The following CNOT10 variants were observed in gnomAD, a reference collection of about 807,000 sequenced individuals.
CNOT10 encodes CCR4-NOT transcription complex, subunit 10.
In CNOT10, 30 loss-of-function variants were observed where a neutral mutation model predicts 94.6. The observed-to-expected ratio is 0.32, with a 90% CI of 0.24 to 0.43. The LOEUF is 0.43. CNOT10 is among the 20% of genes least tolerant of loss of function. The probability of loss-of-function intolerance (pLI) is 1.00; values close to 1 mark genes in which losing one functional copy is unlikely to be tolerated. For synonymous variants in CNOT10, 289 were observed against 301.6 expected, an observed-to-expected ratio of 0.96 and a Z score of 0.43; for missense variants, 759 against 877.2, an observed-to-expected ratio of 0.87 and a Z score of 1.70.
At chr3:32,714,184 T>C (rs1698016335) in intron 5 of CNOT10, among the ~76,000 whole-genome samples, 1 of 152,174 alleles carries the variant, frequency 6.6e-6, no homozygotes, top group Non-Finnish European at 1.5e-5. Flanking sequence ...TGTTATTGTC[T>C]ATCTTTAAAA....
intron 4 of CNOT10, among the ~76,000 whole-genome samples, chr3:32,712,075 G>A (rs1697915625): frequency 6.6e-6 from 1 of 151,528 alleles, no homozygotes; most frequent in Non-Finnish European, 1.5e-5. Flanking sequence ...TTTTTCTTTT[G>A]AAGGTCTTGT....
intron 8 of CNOT10, among the ~76,000 whole-genome samples, chr3:32,723,348 C>T (rs796227875): frequency 1.3e-4 from 19 of 150,512 alleles, no homozygotes; most frequent in African/African-American, 3.9e-4. Context: ...GCTGAAATTG[C>T]GCCACTGCAC....
Position 32,685,266 on chromosome 3 carries a change from C to G in CNOT10, c.-195C>G. 2 of 570,170 alleles carry G rather than the reference C, an allele frequency of 3.5e-6. No homozygotes were observed. Among genetic ancestry groups the G allele is most frequent in the Admixed American group, 3.1e-5 (1 of 32,420 alleles). 35.3% of individuals were successfully genotyped at this position (570,170 alleles called of 1,614,324 possible). ...CGGTCCCTTGGTGGGGAAGCTGTTGCTGTTGCTAGACGACGGGAACTAGCT... is the reference window on the plus strand; with the variant it reads ...CGGTCCCTTGGTGGGGAAGCTGTTGGTGTTGCTAGACGACGGGAACTAGCT... On this transcript the variant is annotated 5_prime_UTR_variant, in exon 1 of 19. Transcript: ENST00000328834.
In CNOT10 at chr3:32,762,605, C is replaced by T; in HGVS notation, c.1710-128C>T. 1.3e-5 allele frequency: 13 copies of T among 972,502 alleles called. No homozygotes were observed. In the Middle Eastern group the frequency reaches 1.3e-3, roughly 98 times the overall value. 60.2% of individuals were successfully genotyped at this position (972,502 alleles called of 1,614,324 possible). On this transcript the variant is annotated intron_variant, in intron 14 of 18. Transcript: ENST00000328834. ...GTTTTACCTAAATAAATTTAGATTTCAATTTAAGGACATGAAATATGAGAC... is the reference window on the plus strand; with the variant it reads ...GTTTTACCTAAATAAATTTAGATTTTAATTTAAGGACATGAAATATGAGAC...
intron 16 of CNOT10, 44 bp from the exon 17 acceptor site, chr3:32,764,638 G>C (rs774923089): frequency 2.5e-6 from 4 of 1,608,294 alleles, no homozygotes; most frequent in South Asian, 1.1e-5. Flanking sequence ...CTTCCTTGCT[G>C]TTGGCACGGC....
chr3:32,728,424 C>G (rs1240714137), intron 10 of CNOT10, among the ~76,000 whole-genome samples: 1 of 150,956 alleles, frequency 6.6e-6, no homozygotes. Context: ...AGTCCAAGAC[C>G]AGTCTGGACA....
At chr3:32,708,861 A>G (rs369381380) in intron 4 of CNOT10, 41 bp downstream of exon 4, 205 of 1,530,968 alleles carry the variant, frequency 1.3e-4, no homozygotes, top group Admixed American at 8.7e-4. Context: ...TATCTTCCCT[A>G]TACTTGCAGA....
intron 4 of CNOT10, among the ~76,000 whole-genome samples, chr3:32,712,264 AC>A (rs1393507100): frequency 6.6e-6 from 1 of 151,340 alleles, no homozygotes; most frequent in Non-Finnish European, 1.5e-5. Context: ...CCCCTGGTCC[AC>A]CCTTCTGCCT....
At chr3:32,702,011 T>G (rs1341732282) in intron 1 of CNOT10, among the ~76,000 whole-genome samples, 6 of 152,020 alleles carry the variant, frequency 3.9e-5, no homozygotes, top group Non-Finnish European at 8.8e-5. Context: ...TGTTAGCCAG[T>G]ATGGCCTCGA....
At chr3:32,719,243 C>T (rs142156579) in intron 7 of CNOT10, among the ~76,000 whole-genome samples, 8 of 151,684 alleles carry the variant, frequency 5.3e-5, no homozygotes, top group African/African-American at 1.7e-4. Flanking sequence ...AGCGAGACTC[C>T]GTCTAAAAAC....
chr3:32,754,788 C>G lies in CNOT10; in HGVS notation c.1596-4670C>G, dbSNP rs1348594623. Among the ~76,000 whole-genome samples, 5 of 149,444 alleles carry G rather than the reference C, an allele frequency of 3.3e-5. No homozygotes were observed. In the East Asian group the frequency reaches 1.0e-3, roughly 31 times the overall value. On this transcript the variant is annotated intron_variant, in intron 13 of 18. Coordinates refer to ENST00000328834, the MANE Select transcript of CNOT10 (RefSeq NM_015442.3). ...CAGCCTGCCTCGGCCTCCCATAGTT[C>G]TGGGATTACAGGCATGAGCCACCGT... is the stretch of plus-strand genomic sequence containing the variant.
At chr3:32,760,577 A>G (rs1010490955) in intron 14 of CNOT10, among the ~76,000 whole-genome samples, 6 of 152,144 alleles carry the variant, frequency 3.9e-5, no homozygotes, top group African/African-American at 9.7e-5. Flanking sequence ...CGTTGCGGTG[A>G]GCCACGGTTG....
At chr3:32,769,861 C>T (rs200488506) in intron 17 of CNOT10, 26 bp from the exon 18 acceptor site, 159 of 1,594,236 alleles carry the variant, frequency 1.0e-4, no homozygotes, top group Middle Eastern at 1.7e-4. Context: ...TGTTTTTTCA[C>T]GGGCATCTTT....
At chr3:32,736,210 T>G (rs1699181970) in intron 12 of CNOT10, among the ~76,000 whole-genome samples, 1 of 152,066 alleles carries the variant, frequency 6.6e-6, no homozygotes, top group Admixed American at 6.6e-5. Flanking sequence ...CTCAACCCCC[T>G]AAATAGCTGG....
chr3:32,692,337 C>A (rs969043582), intron 1 of CNOT10, among the ~76,000 whole-genome samples: 2 of 152,154 alleles, frequency 1.3e-5, no homozygotes, highest in African/African-American at 4.8e-5. Context: ...CTGAAGGAAT[C>A]CTCCCAGCTT....
chr3:32,715,024 G>A (rs1002255662), intron 5 of CNOT10, among the ~76,000 whole-genome samples: 10 of 152,074 alleles, frequency 6.6e-5, no homozygotes, highest in East Asian at 3.9e-4. Flanking sequence ...GCATTATACC[G>A]AAACATTGTG....
rs55873404 is a variant in CNOT10, at chr3:32,687,450, T to TG, written c.22+1968_22+1969insG. On this transcript the variant is annotated intron_variant, in intron 1 of 18. Transcript: ENST00000328834. ...TTTAAGTCCTCACGGTTTTTTTTTTTTGTTTTTTTTTTTTTTTTTGAGACG... is the reference window on the plus strand; with the variant it reads ...TTTAAGTCCTCACGGTTTTTTTTTTTGTGTTTTTTTTTTTTTTTTTGAGACG... 2.4e-4 allele frequency among the ~76,000 whole-genome samples: 18 copies of TG among 74,524 alleles called. No individual in the cohort carries two copies. The South Asian group carries it at 2.7e-3, about 11-fold the overall frequency. The allele number at this position is 74,524 out of a possible 152,430, so 48.9% of individuals were successfully genotyped here. A position where few individuals can be genotyped will look rare whatever the true frequency, so the allele number is the denominator to read the frequency against.
At chr3:32,724,261 T>TC (rs1553633126) in intron 8 of CNOT10, among the ~76,000 whole-genome samples, 2 of 150,498 alleles carry the variant, frequency 1.3e-5, no homozygotes, top group Admixed American at 6.6e-5. Context: ...TTTTTTTTTT[T>TC]CTTTGAGACA....
At chr3:32,760,626 C>G (rs1021050941) in intron 14 of CNOT10, among the ~76,000 whole-genome samples, 1 of 151,910 alleles carries the variant, frequency 6.6e-6, no homozygotes, top group African/African-American at 2.4e-5. Context: ...AGCAAGACTC[C>G]CTCTCAAAAA....
Sources: gnomAD v4.1 joint callset for allele counts (sites outside exome capture counted in the v4.1 genomes callset) on GRCh38, gnomAD v4.1.1 for gene constraint, MANE v1.5 for transcripts, NCBI Gene and HGNC (gene_info 2026-07-23, HGNC 2026-07-21) for gene names.